TBC1D19: variants seen among roughly 807,000 people sequenced by gnomAD.
TBC1D19 encodes the protein TBC1 domain family member 19.
In TBC1D19, 60 loss-of-function variants were observed where a neutral mutation model predicts 89.0. The observed-to-expected ratio is 0.67, with a 90% CI of 0.55 to 0.84. TBC1D19 has a LOEUF of 0.84. Ranked by LOEUF, TBC1D19 falls within the 40% of genes least tolerant of loss-of-function variation. TBC1D19 has a pLI of 0.00. For synonymous variants in TBC1D19, 189 were observed against 199.7 expected, an observed-to-expected ratio of 0.95 and a Z score of 0.45; for missense variants, 500 against 610.8, an observed-to-expected ratio of 0.82 and a Z score of 1.91.
chr4:26,713,330 T>C (rs1716331818), intron 13 of TBC1D19, among the ~76,000 whole-genome samples: 1 of 152,072 alleles, frequency 6.6e-6, no homozygotes, highest in South Asian at 2.1e-4. Flanking sequence ...TTAATATTCA[T>C]TTTTATACTT....
At chr4:26,594,981 G>A (rs1482117403) in intron 1 of TBC1D19, among the ~76,000 whole-genome samples, 5 of 152,332 alleles carry the variant, frequency 3.3e-5, no homozygotes, top group South Asian at 2.1e-4. Flanking sequence ...GATAGATTGC[G>A]TGGTAAGAGA....
intron 7 of TBC1D19, among the ~76,000 whole-genome samples, chr4:26,651,743 C>T (rs569224284): frequency 3.9e-5 from 6 of 152,202 alleles, no homozygotes; most frequent in East Asian, 3.9e-4. Context: ...GAACTTTCAA[C>T]GCTATGTTGA....
In TBC1D19 at chr4:26,742,612, C is replaced by G; in HGVS notation, c.1319+13C>G. On this transcript the variant is annotated intron_variant, in intron 18 of 20. Coordinates refer to ENST00000264866, the MANE Select transcript of TBC1D19 (RefSeq NM_018317.4). ...TTGGGGCTCAACCGTGAGTACTTTT[C>G]TCTCCTAATTGAAGAATAGATAGTT... 6.2e-7 allele frequency: 1 copy of G among 1,602,738 alleles called. No homozygotes were observed. Among genetic ancestry groups the G allele is most frequent in the South Asian group, 1.1e-5 (1 of 89,920 alleles).
chr4:26,623,091 A>G (rs1200808013), intron 4 of TBC1D19, among the ~76,000 whole-genome samples: 1 of 151,964 alleles, frequency 6.6e-6, no homozygotes, highest in Non-Finnish European at 1.5e-5. Context: ...TTGGGGGGCA[A>G]TTCTCTCTTC....
At chr4:26,631,639 T>C (rs1742813071) in intron 4 of TBC1D19, among the ~76,000 whole-genome samples, 1 of 152,100 alleles carries the variant, frequency 6.6e-6, no homozygotes, top group Admixed American at 6.6e-5. Flanking sequence ...CCTGCTTTAA[T>C]TGTGTAGCTC....
At chr4:26,664,581 A>C (rs938028571) in intron 8 of TBC1D19, among the ~76,000 whole-genome samples, 1 of 150,924 alleles carries the variant, frequency 6.6e-6, no homozygotes, top group African/African-American at 2.4e-5. Context: ...AGAATAACAC[A>C]TTTTTACCTC....
chr4:26,631,049 G>T (rs755089161), intron 4 of TBC1D19, among the ~76,000 whole-genome samples: 2 of 151,998 alleles, frequency 1.3e-5, no homozygotes, highest in Non-Finnish European at 2.9e-5. Flanking sequence ...CAATGGAAAT[G>T]ACTTCACTTA....
At chr4:26,648,967 C>G (rs1211897454) in intron 7 of TBC1D19, among the ~76,000 whole-genome samples, 1 of 151,714 alleles carries the variant, frequency 6.6e-6, no homozygotes, top group Non-Finnish European at 1.5e-5. Flanking sequence ...TAATTATTTC[C>G]TTAATTACAG....
At chr4:26,830,798 C>T in the TBC1D19 span, among the ~76,000 whole-genome samples, 1 of 152,196 alleles carries the variant, frequency 6.6e-6, no homozygotes, top group Non-Finnish European at 1.5e-5. Flanking sequence ...TGGTTAATGC[C>T]TGGAGTTCTG....
the TBC1D19 span, among the ~76,000 whole-genome samples, chr4:26,847,252 CTATACTATTTTAGG>C: frequency 6.6e-6 from 1 of 152,116 alleles, no homozygotes; most frequent in Non-Finnish European, 1.5e-5. Flanking sequence ...CTCAAGCAAT[CTATACTATTTTAGG>C]TAGTGATAAG....
the TBC1D19 span, among the ~76,000 whole-genome samples, chr4:26,779,402 G>A: frequency 6.6e-6 from 1 of 152,226 alleles, no homozygotes; most frequent in Non-Finnish European, 1.5e-5. Context: ...ACCCACCTAG[G>A]TGTGCCAGAC....
the TBC1D19 span, among the ~76,000 whole-genome samples, chr4:26,771,536 T>C: frequency 2.6e-5 from 4 of 152,190 alleles, no homozygotes; most frequent in Non-Finnish European, 5.9e-5. Context: ...AAAACCTTGA[T>C]GACATTATAC....
intron 7 of TBC1D19, among the ~76,000 whole-genome samples, chr4:26,654,943 A>C (rs957397888): frequency 6.6e-6 from 1 of 152,104 alleles, no homozygotes; most frequent in Non-Finnish European, 1.5e-5. Context: ...GGAGGGGGAA[A>C]GGCACTCGAT....
At chr4:26,846,454 A>C in the TBC1D19 span, among the ~76,000 whole-genome samples, 2 of 152,140 alleles carry the variant, frequency 1.3e-5, no homozygotes, top group African/African-American at 4.8e-5. Flanking sequence ...CAGAATCTTA[A>C]GATTTTTCTT....
At chr4:26,724,824 C>T (rs2109280511) in intron 15 of TBC1D19, among the ~76,000 whole-genome samples, 1 of 152,276 alleles carries the variant, frequency 6.6e-6, no homozygotes, top group South Asian at 2.1e-4. Flanking sequence ...CTTTCCAAAG[C>T]CCTCATGCCC....
chr4:26,791,348 AG>A, the TBC1D19 span, among the ~76,000 whole-genome samples: 2 of 152,222 alleles, frequency 1.3e-5, no homozygotes, highest in Admixed American at 6.5e-5. Context: ...ATAGACAAAA[AG>A]GTCCCTCACA....
chr4:26,624,390 T>A (rs981816360), intron 4 of TBC1D19, among the ~76,000 whole-genome samples: 11 of 152,186 alleles, frequency 7.2e-5, no homozygotes, highest in African/African-American at 2.4e-4. Context: ...TTATTTTTAT[T>A]TTTTGAGACT....
At chr4:26,582,154 G>T (rs1739083952), upstream of TBC1D19, among the ~76,000 whole-genome samples, 1 of 151,826 alleles carries the variant, frequency 6.6e-6, no homozygotes, top group African/African-American at 2.4e-5. Flanking sequence ...CCATTCCCTT[G>T]TCAATAGTAC....
chr4:26,694,810 C>T (rs569083258), intron 13 of TBC1D19, among the ~76,000 whole-genome samples: 2 of 152,322 alleles, frequency 1.3e-5, no homozygotes, highest in South Asian at 4.1e-4. Flanking sequence ...CAGCAAACTC[C>T]AACAGACCTG....
Sources: allele counts gnomAD v4.1 joint callset (sites outside exome capture counted in the v4.1 genomes callset), GRCh38; gene constraint gnomAD v4.1.1; transcripts MANE v1.5; gene names NCBI Gene and HGNC (gene_info 2026-07-23, HGNC 2026-07-21).